The following URGCP variants were observed in gnomAD, a reference collection of about 807,000 sequenced individuals.
The protein encoded by URGCP is up-regulator of cell proliferation.
A neutral mutation model predicts 24.6 loss-of-function variants in URGCP; 13 were observed. That is an observed-to-expected ratio of 0.53 (90% CI 0.34 to 0.84). The LOEUF (loss-of-function observed/expected upper bound fraction) is 0.84. URGCP is among the 40% of genes least tolerant of loss of function. The pLI, the probability that URGCP is intolerant of heterozygous loss-of-function variation, is 0.01. For missense variants in URGCP, 899 were observed against 1,194.3 expected, an observed-to-expected ratio of 0.75 and a Z score of 3.64; for synonymous variants, 444 against 487.2, an observed-to-expected ratio of 0.91 and a Z score of 1.17.
chr7:43,925,728 G>A (rs2095928777), intron 1 of URGCP, among the ~76,000 whole-genome samples: 1 of 149,504 alleles, frequency 6.7e-6, no homozygotes, highest in African/African-American at 2.5e-5. Context: ...TCGAACTCCT[G>A]ACCTCAAGTG....
intron 1 of URGCP, among the ~76,000 whole-genome samples, chr7:43,915,294 G>A (rs1001407023): frequency 1.3e-5 from 2 of 152,094 alleles, no homozygotes; most frequent in East Asian, 3.8e-4. Context: ...GGAGGGATGA[G>A]TAAAATGCAC....
chr7:43,906,119 G>C (rs2095901775), intron 1 of URGCP: 1 of 152,144 alleles, frequency 6.6e-6, no homozygotes, highest in Non-Finnish European at 1.5e-5. Flanking sequence ...CTCCCAACGC[G>C]AGCAAGTTTA....
intron 1 of URGCP, among the ~76,000 whole-genome samples, chr7:43,898,676 G>T (rs1368234671): frequency 1.3e-5 from 2 of 151,984 alleles, no homozygotes; most frequent in African/African-American, 4.8e-5. Context: ...GAGGTGGATC[G>T]CTTGAGCCCA....
chr7:43,926,514 T>G, upstream of URGCP: 1 of 1,522,648 alleles, frequency 6.6e-7, no homozygotes, highest in Non-Finnish European at 8.8e-7. Context: ...GCCGCCCGGG[T>G]CCCCGGCAGC....
At chr7:43,891,309 A>C (rs1428599386) in intron 1 of URGCP, among the ~76,000 whole-genome samples, 1 of 152,232 alleles carries the variant, frequency 6.6e-6, no homozygotes, top group Non-Finnish European at 1.5e-5. Context: ...GAACAAGGTG[A>C]GCACCAGACA....
At chr7:43,926,706 C>T (rs2095931817), upstream of URGCP, 2 of 859,774 alleles carry the variant, frequency 2.3e-6, no homozygotes, top group African/African-American at 1.8e-5. Context: ...TCCCGCGCAG[C>T]CTGAAAAGCG....
At chr7:43,891,105 A>G (rs2095869997) in intron 1 of URGCP, among the ~76,000 whole-genome samples, 1 of 152,238 alleles carries the variant, frequency 6.6e-6, no homozygotes, top group Non-Finnish European at 1.5e-5. Context: ...GGGAAGTCAC[A>G]CCTTTGTTTT....
intron 1 of URGCP, chr7:43,919,675 G>C: frequency 7.3e-7 from 1 of 1,376,604 alleles, no homozygotes; most frequent in African/African-American, 1.4e-5. Context: ...ACCATCCAGG[G>C]AGAGGTGGAC....
upstream of URGCP, among the ~76,000 whole-genome samples, chr7:43,911,290 A>G (rs1177969226): frequency 2.6e-5 from 4 of 151,932 alleles, no homozygotes; most frequent in Non-Finnish European, 5.9e-5. Flanking sequence ...AATCCCAGCT[A>G]CTCGGGAAGC....
chr7:43,900,433 C>T (rs1374822277), intron 1 of URGCP, among the ~76,000 whole-genome samples: 5 of 134,174 alleles, frequency 3.7e-5, no homozygotes, highest in South Asian at 2.3e-4. Flanking sequence ...CCAGCCTGGG[C>T]GACAGAGTGA....
intron 5 of URGCP, 120 bp downstream of exon 5, chr7:43,881,539 A>T: frequency 8.2e-7 from 1 of 1,225,296 alleles, no homozygotes; most frequent in Non-Finnish European, 1.2e-6. Context: ...GAAGTAGGGC[A>T]TCCTAAACCT....
At chr7:43,879,608 CA>C in intron 5 of URGCP, 1 of 216,364 alleles carries the variant, frequency 4.6e-6, no homozygotes, top group South Asian at 9.9e-5. Flanking sequence ...ACACTGAGCT[CA>C]AAATTAATTG....
chr7:43,883,583 G>A (rs1033311975), intron 3 of URGCP, among the ~76,000 whole-genome samples: 1 of 151,626 alleles, frequency 6.6e-6, no homozygotes, highest in African/African-American at 2.4e-5. Context: ...GGATGGTCTC[G>A]ATCTCCTGAC....
chr7:43,925,923 A>G (rs2095929429), intron 1 of URGCP, among the ~76,000 whole-genome samples: 9 of 151,700 alleles, frequency 5.9e-5, no homozygotes, highest in Admixed American at 4.6e-4. Context: ...TTGGGAAAAT[A>G]GGAAGGAGAC....
intron 3 of URGCP, 69 bp downstream of exon 3, chr7:43,887,346 G>T: frequency 6.4e-7 from 1 of 1,570,198 alleles, no homozygotes; most frequent in South Asian, 1.2e-5. Flanking sequence ...CTGGAACCCA[G>T]AATCCCAAGG....
At chr7:43,879,763 T>G (rs895279339) in intron 5 of URGCP, 1 of 150,626 alleles carries the variant, frequency 6.6e-6, no homozygotes, top group African/African-American at 2.5e-5. Flanking sequence ...TTCTAGTTAA[T>G]GTTTTTTTGT....
At chr7:43,901,165 C>T (rs913110606) in intron 1 of URGCP, among the ~76,000 whole-genome samples, 1 of 152,196 alleles carries the variant, frequency 6.6e-6, no homozygotes, top group Non-Finnish European at 1.5e-5. Context: ...TGACAGCACA[C>T]TTGTTGGGGG....
intron 1 of URGCP, among the ~76,000 whole-genome samples, chr7:43,898,287 C>T (rs1392152117): frequency 2.0e-5 from 3 of 152,094 alleles, no homozygotes; most frequent in Non-Finnish European, 2.9e-5. Flanking sequence ...TTCAGTAAGC[C>T]GGGGACATAC....
In URGCP at chr7:43,877,314, A is replaced by G; in HGVS notation, c.2149T>C (p.Phe717Leu). ...GGACCGCAGCTCTTCCCTGTGGCAA[A>G]CCGCAGCCCAAACATGGTGTTGAGG... ...TLLNTMFGLRFATGKSCGPRG... is the reference protein window; with the variant it reads ...TLLNTMFGLRLATGKSCGPRG... The change falls in exon 6 of 6, where the codon TTT becomes CTT. Residue 717 changes from phenylalanine to leucine, a missense_variant. Coordinates refer to ENST00000453200, the MANE Select transcript of URGCP (RefSeq NM_001077663.3). The G allele has an allele frequency of 2.5e-6, 4 of 1,613,174 alleles. No individual in the cohort carries two copies. The highest frequency in any genetic ancestry group is 2.5e-6 in the Non-Finnish European group (3 of 1,180,026).
Sources: allele counts gnomAD v4.1 joint callset (sites outside exome capture counted in the v4.1 genomes callset), GRCh38; gene constraint gnomAD v4.1.1; transcripts MANE v1.5; gene names NCBI Gene and HGNC (gene_info 2026-07-23, HGNC 2026-07-21).